CLCN3: variants seen among roughly 807,000 people sequenced by gnomAD.
CLCN3 encodes the protein Cl-/H+ antiporter 3.
A neutral mutation model predicts 83.4 loss-of-function variants in CLCN3; 16 were observed. The observed-to-expected ratio is 0.19, with a 90% CI of 0.13 to 0.29. CLCN3 has a LOEUF of 0.29. CLCN3 is among the 10% of genes least tolerant of loss of function. The pLI is 1.00. For missense variants in CLCN3, 544 were observed against 1,006.0 expected, an observed-to-expected ratio of 0.54 and a Z score of 6.21; for synonymous variants, 322 against 346.2, an observed-to-expected ratio of 0.93 and a Z score of 0.78.
At chr4:169,669,094 T>G (rs1423207598) in intron 2 of CLCN3, among the ~76,000 whole-genome samples, 1 of 152,196 alleles carries the variant, frequency 6.6e-6, no homozygotes, top group Non-Finnish European at 1.5e-5. Context: ...AACAATCAGG[T>G]TCTATTACAT....
chr4:169,703,640 A>G (rs1334316694), intron 9 of CLCN3, among the ~76,000 whole-genome samples: 2 of 149,980 alleles, frequency 1.3e-5, no homozygotes, highest in East Asian at 1.9e-4. Flanking sequence ...CCCAAGTAGT[A>G]TATATTGTAT....
intron 9 of CLCN3, among the ~76,000 whole-genome samples, chr4:169,703,359 G>C (rs537457348): frequency 2.6e-5 from 4 of 152,296 alleles, no homozygotes; most frequent in Non-Finnish European, 5.9e-5. Flanking sequence ...GGGCAACTCT[G>C]ATAAGTTTGT....
At chr4:169,689,696 A>G (rs1007393088) in intron 5 of CLCN3, among the ~76,000 whole-genome samples, 1 of 152,250 alleles carries the variant, frequency 6.6e-6, no homozygotes, top group Non-Finnish European at 1.5e-5. Context: ...TCTACAAAGA[A>G]CATTTTAGAA....
At chr4:169,707,653 G>GA (rs1191897690) in intron 11 of CLCN3, among the ~76,000 whole-genome samples, 1 of 152,114 alleles carries the variant, frequency 6.6e-6, no homozygotes, top group African/African-American at 2.4e-5. Flanking sequence ...ACAAGTTATT[G>GA]AAAATCTCAT....
intron 2 of CLCN3, among the ~76,000 whole-genome samples, chr4:169,650,556 T>C (rs1730703206): frequency 6.6e-6 from 1 of 152,246 alleles, no homozygotes; most frequent in Non-Finnish European, 1.5e-5. Flanking sequence ...GGTGGTTACA[T>C]TGTAAATCTT....
At chr4:169,665,007 CT>C (rs1345663416) in intron 2 of CLCN3, among the ~76,000 whole-genome samples, 1 of 152,090 alleles carries the variant, frequency 6.6e-6, no homozygotes, top group African/African-American at 2.4e-5. Context: ...CCCTTTGCAA[CT>C]TTAATTAGGT....
chr4:169,678,519 A>G (rs1458920222), intron 2 of CLCN3, among the ~76,000 whole-genome samples: 6 of 152,122 alleles, frequency 3.9e-5, no homozygotes, highest in Non-Finnish European at 8.8e-5. Context: ...CAGCAGATAA[A>G]CATGTGAACA....
intron 9 of CLCN3, among the ~76,000 whole-genome samples, chr4:169,700,339 CCTCCACCT>C (rs1581266582): frequency 1.3e-5 from 2 of 152,122 alleles, no homozygotes; most frequent in African/African-American, 4.8e-5. Context: ...CTCACTGTAA[CCTCCACCT>C]CCCAGGTTCA....
intron 1 of CLCN3, among the ~76,000 whole-genome samples, chr4:169,622,906 T>C (rs1244805574): frequency 6.6e-6 from 1 of 152,222 alleles, no homozygotes; most frequent in Non-Finnish European, 1.5e-5. Flanking sequence ...ACAGTGTTTT[T>C]AAAAGGAATA....
intron 3 of CLCN3, among the ~76,000 whole-genome samples, chr4:169,685,177 G>A (rs534242889): frequency 6.6e-6 from 1 of 151,952 alleles, no homozygotes; most frequent in African/African-American, 2.4e-5. Flanking sequence ...AAGTCCCTTG[G>A]AATAGTTTCT....
chr4:169,721,395 G>C lies in CLCN3; in HGVS notation c.*1398G>C, dbSNP rs1181341818. ...ATAAACCTTTCTCTGATCTTTCACTGCCATCCTCTGGATTATGTCTTCTGA... is the reference window on the plus strand; with the variant it reads ...ATAAACCTTTCTCTGATCTTTCACTCCCATCCTCTGGATTATGTCTTCTGA... On this transcript the variant is annotated 3_prime_UTR_variant, in exon 13 of 13. Transcript: ENST00000513761. 2.0e-5 allele frequency: 3 copies of C among 152,070 alleles called. No individual in the cohort carries two copies. The highest frequency in any genetic ancestry group is 7.2e-5 in the African/African-American group (3 of 41,398). 9.4% of individuals were successfully genotyped at this position (152,070 alleles called of 1,614,324 possible). A position where few individuals can be genotyped will look rare whatever the true frequency, so the allele number is the denominator to read the frequency against.
chr4:169,690,475 GC>G, intron 5 of CLCN3, 54 bp from the exon 6 acceptor site: 1 of 1,554,482 alleles, frequency 6.4e-7, no homozygotes, highest in Non-Finnish European at 8.8e-7. Flanking sequence ...ACAAGCATTT[GC>G]ATTAGAGGTG....
Position 169,720,937 on chromosome 4 carries a change from T to C in CLCN3, c.*940T>C, listed in dbSNP as rs938010579. ...TATTTCTAAAACTACTACTATGATA[T>C]ACAAGTGCTGTTGAGCATAATTAAA... On this transcript the variant is annotated 3_prime_UTR_variant, in exon 13 of 13. Coordinates refer to ENST00000513761, the MANE Select transcript of CLCN3 (RefSeq NM_001829.4). The C allele has an allele frequency of 6.6e-6, 1 of 152,664 alleles. No individual in the cohort carries two copies. Among genetic ancestry groups the C allele is most frequent in the African/African-American group, 2.4e-5 (1 of 41,466 alleles). The allele number at this position is 152,664 out of a possible 1,614,324, so 9.5% of individuals were successfully genotyped here. A position where few individuals can be genotyped will look rare whatever the true frequency, so the allele number is the denominator to read the frequency against.
At chr4:169,621,257 A>G (rs1187581239) in intron 1 of CLCN3, among the ~76,000 whole-genome samples, 194 bp downstream of exon 1, 1 of 152,212 alleles carries the variant, frequency 6.6e-6, no homozygotes, top group Non-Finnish European at 1.5e-5. Flanking sequence ...AATTTCACAC[A>G]TCTGCTTCAG....
intron 2 of CLCN3, among the ~76,000 whole-genome samples, chr4:169,657,339 T>C (rs1170858094): frequency 6.6e-6 from 1 of 152,210 alleles, no homozygotes; most frequent in Non-Finnish European, 1.5e-5. Flanking sequence ...CCTTTTTCCT[T>C]ACTAAATTGT....
rs191811355 is a variant in CLCN3 at position 169,678,685 on chromosome 4, T to G, written c.161-1365T>G. On this transcript the variant is annotated intron_variant, in intron 2 of 12. Transcript: ENST00000513761. ...CACATCTTGCACCGCCCTTAATCCC[T>G]TTAACCCTGAGTTGACATAGCACAT... Among the ~76,000 whole-genome samples the G allele has an allele frequency of 2.6e-5, 4 of 152,324 alleles. No homozygotes were observed. In the South Asian group the frequency reaches 6.2e-4, roughly 24 times the overall value.
chr4:169,718,457 CAA>C (rs1733508648), intron 12 of CLCN3, among the ~76,000 whole-genome samples: 1 of 152,126 alleles, frequency 6.6e-6, no homozygotes, highest in African/African-American at 2.4e-5. Flanking sequence ...TGCATATCTT[CAA>C]AGTCACAGTG....
chr4:169,630,459 G>A (rs1324262941), intron 1 of CLCN3, among the ~76,000 whole-genome samples: 2 of 152,170 alleles, frequency 1.3e-5, no homozygotes, highest in Non-Finnish European at 2.9e-5. Flanking sequence ...CAAAGGACTT[G>A]ATTTTATTCT....
intron 11 of CLCN3, among the ~76,000 whole-genome samples, chr4:169,708,211 G>C (rs949196756): frequency 2.0e-5 from 3 of 152,062 alleles, no homozygotes; most frequent in Non-Finnish European, 4.4e-5. Context: ...AATAATTTTT[G>C]TGCCATTTGA....
Sources: gnomAD v4.1 joint callset for allele counts (sites outside exome capture counted in the v4.1 genomes callset) on GRCh38, gnomAD v4.1.1 for gene constraint, MANE v1.5 for transcripts, NCBI Gene and HGNC (gene_info 2026-07-23, HGNC 2026-07-21) for gene names.